NETO1: variants seen among roughly 807,000 people sequenced by gnomAD.
The protein encoded by NETO1 is neuropilin and tolloid-like protein 1.
NETO1 carries 26 observed loss-of-function variants against 61.3 expected under a neutral mutation model. The ratio of observed to expected loss-of-function variants is 0.42; its 90% CI spans 0.31 to 0.59. NETO1 has a LOEUF of 0.59. NETO1 is among the 20% of genes least tolerant of loss of function. The pLI is 0.12. For synonymous variants in NETO1, 225 were observed against 225.8 expected, an observed-to-expected ratio of 1.00 and a Z score of 0.03; for missense variants, 531 against 662.8, an observed-to-expected ratio of 0.80 and a Z score of 2.18.
At position 72,805,513 on chromosome 18, in the gene NETO1, A is replaced by G. The variant is rs566664821; in HGVS notation, c.470-11109T>C. 2.0e-4 allele frequency among the ~76,000 whole-genome samples: 31 copies of G among 152,304 alleles called. No homozygotes were observed. The South Asian group carries it at 6.4e-3, about 32-fold the overall frequency. ...TATTTTAATTACTTTAAATATAGTA[A>G]GTCCTTTATTCCTTAACACTGTATG... On this transcript the variant is annotated intron_variant, in intron 4 of 10. Coordinates refer to ENST00000327305, the MANE Select transcript of NETO1 (RefSeq NM_138966.5).
At chr18:72,837,850 C>T (rs900896481) in intron 4 of NETO1, among the ~76,000 whole-genome samples, 5 of 152,174 alleles carry the variant, frequency 3.3e-5, no homozygotes, top group African/African-American at 7.2e-5. Flanking sequence ...AGTAAAGCTG[C>T]GTAAGAGCCA....
At position 72,858,980 on chromosome 18, in the gene NETO1, A is replaced by T. The variant is rs1432601666; in HGVS notation, c.315T>A (p.Asp105Glu). 6.2e-7 allele frequency: 1 copy of T among 1,613,894 alleles called. No homozygotes were observed. The highest frequency in any genetic ancestry group is 1.7e-5 in the Admixed American group (1 of 60,016). The change falls in exon 4 of 11, where the codon GAT (aspartate) becomes GAA (glutamate). Residue 105 changes from aspartate (D) to glutamate (E), a missense_variant. Asp to Glu is a conservative substitution (Grantham distance 45, BLOSUM62 2). Transcript: ENST00000327305. ...TTATTGGAGAAAAGCCAAAAGGTCC[A>T]TCTCGAACTTCAATATGATCAAATT... Reference protein sequence around the residue: ...ECKFDHIEVRDGPFGFSPIIG... With the variant: ...ECKFDHIEVREGPFGFSPIIG...
At chr18:72,765,657 T>C (rs1775431744) in intron 7 of NETO1, among the ~76,000 whole-genome samples, 1 of 152,056 alleles carries the variant, frequency 6.6e-6, no homozygotes, top group African/African-American at 2.4e-5. Context: ...GGCCTCATGA[T>C]CCACCCACCT....
At chr18:72,769,317 C>T (rs914876876) in intron 7 of NETO1, among the ~76,000 whole-genome samples, 1 of 152,078 alleles carries the variant, frequency 6.6e-6, no homozygotes, top group African/African-American at 2.4e-5. Flanking sequence ...GAATGTCTCT[C>T]GGAAGATAAA....
intron 4 of NETO1, among the ~76,000 whole-genome samples, chr18:72,825,505 A>G (rs1033883150): frequency 6.6e-6 from 1 of 151,780 alleles, no homozygotes; most frequent in Non-Finnish European, 1.5e-5. Flanking sequence ...TCCATGTATT[A>G]TTATTTCTTA....
At chr18:72,778,128 AC>A (rs2145207388) in intron 7 of NETO1, among the ~76,000 whole-genome samples, 1 of 152,298 alleles carries the variant, frequency 6.6e-6, no homozygotes, top group Non-Finnish European at 1.5e-5. Context: ...GTAGTGGTGG[AC>A]AGTGGTTTTT....
rs1055952140 is a variant in NETO1 at position 72,830,731 on chromosome 18, C to A, written c.469+28095G>T. Among the ~76,000 whole-genome samples, 1 of 152,126 alleles carries A rather than the reference C, an allele frequency of 6.6e-6. No individual in the cohort carries two copies. The highest frequency in any genetic ancestry group is 1.5e-5 in the Non-Finnish European group (1 of 68,028). ...GCAACAAAAGATGAATTTTAACCAC[C>A]TCCACTTTGACTGCATTTTCCCTCA... On this transcript the variant is annotated intron_variant, in intron 4 of 10. Transcript: ENST00000327305. This position sits in a 1 kb window ranked among gnomAD's most constrained non-coding sequence, Gnocchi z 4.9.
At chr18:72,815,807 G>T (rs1338418405) in intron 4 of NETO1, among the ~76,000 whole-genome samples, 1 of 152,128 alleles carries the variant, frequency 6.6e-6, no homozygotes, top group Admixed American at 6.5e-5. Context: ...GTGGCTGGGA[G>T]AACAGGTAAG....
At chr18:72,853,738 CAG>C (rs1261594688) in intron 4 of NETO1, among the ~76,000 whole-genome samples, 1 of 129,346 alleles carries the variant, frequency 7.7e-6, no homozygotes, top group Non-Finnish European at 1.6e-5. Context: ...GCCTGAGCAA[CAG>C]AGTGAGATGT....
chr18:72,864,164 C>CAA (rs553879639), intron 3 of NETO1, among the ~76,000 whole-genome samples: 2 of 140,976 alleles, frequency 1.4e-5, no homozygotes, highest in Admixed American at 7.1e-5. Flanking sequence ...CGCTTTGTCT[C>CAA]AAAAAAAAAA....
At chr18:72,851,087 A>G (rs1269638367) in intron 4 of NETO1, among the ~76,000 whole-genome samples, 1 of 152,156 alleles carries the variant, frequency 6.6e-6, no homozygotes, top group Non-Finnish European at 1.5e-5. Flanking sequence ...GAAAAACCCA[A>G]AGAAACCTGG....
chr18:72,852,024 A>T (rs1395773173), intron 4 of NETO1, among the ~76,000 whole-genome samples: 1 of 152,222 alleles, frequency 6.6e-6, no homozygotes, highest in East Asian at 1.9e-4. Context: ...TTCTAATCTA[A>T]GGAAAACATA....
chr18:72,846,536 A>G (rs1339442587), intron 4 of NETO1, among the ~76,000 whole-genome samples: 1 of 144,500 alleles, frequency 6.9e-6, no homozygotes, highest in African/African-American at 2.5e-5. Context: ...AAAAAAAAAG[A>G]AGATGCATAG....
chr18:72,846,733 G>A (rs1241211414), intron 4 of NETO1, among the ~76,000 whole-genome samples: 2 of 152,028 alleles, frequency 1.3e-5, no homozygotes, highest in Non-Finnish European at 2.9e-5. Flanking sequence ...GTGCAAAAAA[G>A]CTAGAAATAA....
rs2072233484 is a variant in NETO1, at chr18:72,794,166, C to T, written c.590G>A (p.Ser197Asn). Residue 197 changes from serine (S) to asparagine (N), a missense_variant, in exon 6 of 11, where the codon AGC becomes AAC. Transcript: ENST00000327305. The part of the protein sequence containing the change: ...QIMKEGKATA[S>N]EAVDCKWYIR... The stretch of plus-strand genomic sequence containing the variant: ...GTACCACTTGCAATCAACAGCCTCG[C>T]TAGCAGTAGCTTTGCCTTCCTTCAT... 7.4e-6 allele frequency: 12 copies of T among 1,614,170 alleles called. No individual in the cohort carries two copies. The highest frequency in any genetic ancestry group is 1.0e-5 in the Non-Finnish European group (12 of 1,180,026).
chr18:72,772,825 C>CTATATATATA (rs59339805), intron 7 of NETO1, among the ~76,000 whole-genome samples: 10 of 40,830 alleles, frequency 2.4e-4, no homozygotes, highest in African/African-American at 4.3e-4. Context: ...CTCTCTCTCT[C>CTATATATATA]TATATATATA....
Position 72,750,313 on chromosome 18 carries a change from G to A in NETO1, c.1290C>T (p.Asp430=). The A allele has an allele frequency of 1.2e-6, 2 of 1,614,028 alleles. No homozygotes were observed. The highest frequency in any genetic ancestry group is 1.7e-6 in the Non-Finnish European group (2 of 1,179,984). The part of the protein sequence containing the change: ...LRRSSSKCIH[D]HHCGSQLSST... ...TGGACAGCTGTGATCCACAGTGATGGTCATGAATGCATTTGGAAGATGACC... is the reference window on the plus strand; with the variant it reads ...TGGACAGCTGTGATCCACAGTGATGATCATGAATGCATTTGGAAGATGACC... The change falls in exon 9 of 11, where the codon GAC becomes GAT. Residue 430 remains aspartate (D), a synonymous_variant. Transcript: ENST00000327305.
intron 4 of NETO1, among the ~76,000 whole-genome samples, chr18:72,815,945 T>C (rs937430915): frequency 5.3e-5 from 8 of 152,152 alleles, no homozygotes; most frequent in Non-Finnish European, 1.2e-4. Flanking sequence ...CTCAACAGAA[T>C]GTTGAAAATG....
At chr18:72,852,838 T>C (rs921882092) in intron 4 of NETO1, among the ~76,000 whole-genome samples, 1 of 149,520 alleles carries the variant, frequency 6.7e-6, no homozygotes, top group African/African-American at 2.4e-5. Context: ...TTTTTCTTTT[T>C]TTTTTTTTTT....
Sources: allele counts gnomAD v4.1 joint callset (sites outside exome capture counted in the v4.1 genomes callset), GRCh38; gene constraint gnomAD v4.1.1; non-coding constraint Gnocchi (gnomAD v3.1); transcripts MANE v1.5; gene names NCBI Gene and HGNC (gene_info 2026-07-23, HGNC 2026-07-21).